Variants in PLCB4 observed in about 807,000 individuals in gnomAD.
PLCB4 encodes the protein 1-phosphatidylinositol 4,5-bisphosphate phosphodiesterase beta-4.
In PLCB4, 77 loss-of-function variants were observed where a neutral mutation model predicts 178.8. The ratio of observed to expected loss-of-function variants is 0.43; its 90% confidence interval spans 0.36 to 0.52. PLCB4 has a LOEUF of 0.52. Ranked by LOEUF, PLCB4 falls within the 20% of genes least tolerant of loss-of-function variation. PLCB4 has a pLI of 0.00. For synonymous variants in PLCB4, 496 were observed against 490.8 expected, an observed-to-expected ratio of 1.01 and a Z score of -0.14; for missense variants, 1,024 against 1,453.4, an observed-to-expected ratio of 0.70 and a Z score of 4.80.
intron 28 of PLCB4, among the ~76,000 whole-genome samples, chr20:9,433,129 G>C (rs1296424235): frequency 6.6e-6 from 1 of 152,214 alleles, no homozygotes; most frequent in Non-Finnish European, 1.5e-5. Context: ...AGAGATAGCA[G>C]CAGTATGAAT....
intron 7 of PLCB4, among the ~76,000 whole-genome samples, chr20:9,355,758 T>C (rs1424585162): frequency 5.3e-5 from 8 of 151,968 alleles, no homozygotes; most frequent in Middle Eastern, 3.4e-3. Flanking sequence ...AATAAACATA[T>C]GTGTGCATGT....
At chr20:9,382,935 C>T (rs1321088075) in intron 13 of PLCB4, among the ~76,000 whole-genome samples, 1 of 152,140 alleles carries the variant, frequency 6.6e-6, no homozygotes, top group Non-Finnish European at 1.5e-5. Flanking sequence ...TTTCTACTTT[C>T]ATTTATAATT....
intron 3 of PLCB4, among the ~76,000 whole-genome samples, chr20:9,228,416 T>C (rs139034421): frequency 3.3e-5 from 5 of 152,148 alleles, no homozygotes; most frequent in African/African-American, 1.2e-4. Context: ...GAGGAGACTA[T>C]GTAGGATTTT....
At chr20:9,080,868 C>T (rs1006299833) in intron 1 of PLCB4, among the ~76,000 whole-genome samples, 1 of 152,206 alleles carries the variant, frequency 6.6e-6, no homozygotes, top group Non-Finnish European at 1.5e-5. Context: ...CAACTTCACT[C>T]CAAACTTGTG....
chr20:9,327,731 A>G (rs1038000331), intron 4 of PLCB4, among the ~76,000 whole-genome samples: 10 of 151,992 alleles, frequency 6.6e-5, no homozygotes, highest in African/African-American at 2.4e-4. Flanking sequence ...AGCTGGGATC[A>G]TGCCCCTGCA....
intron 28 of PLCB4, among the ~76,000 whole-genome samples, chr20:9,427,226 A>G (rs1403438494): frequency 6.6e-6 from 1 of 152,124 alleles, no homozygotes; most frequent in African/African-American, 2.4e-5. Flanking sequence ...CTCTGTCTCC[A>G]AAAACAACAA....
intron 28 of PLCB4, among the ~76,000 whole-genome samples, chr20:9,428,437 G>T (rs1315190436): frequency 6.6e-6 from 1 of 152,140 alleles, no homozygotes; most frequent in Non-Finnish European, 1.5e-5. Context: ...CTTATCTATT[G>T]CATGGCTCCT....
intron 32 of PLCB4, among the ~76,000 whole-genome samples, chr20:9,450,733 A>G (rs1365364893): frequency 6.8e-5 from 9 of 133,316 alleles, no homozygotes; most frequent in South Asian, 2.3e-4. Context: ...ACTGCAACCT[A>G]TGCCTCCCGG....
At chr20:9,292,954 G>T (rs756207005) in intron 3 of PLCB4, among the ~76,000 whole-genome samples, 1 of 152,010 alleles carries the variant, frequency 6.6e-6, no homozygotes, top group Non-Finnish European at 1.5e-5. Flanking sequence ...TGGTACACAC[G>T]TGTAATCCCA....
Position 9,327,828 on chromosome 20 carries a change from G to A in PLCB4, c.85-9298G>A, listed in dbSNP as rs116125710. 5.5e-3 allele frequency among the ~76,000 whole-genome samples: 844 copies of A among 152,160 alleles called. 6 individuals carry two copies. The highest frequency in any genetic ancestry group is 0.018 in the African/African-American group (763 of 41,526). On this transcript the variant is annotated intron_variant, in intron 4 of 39. Coordinates refer to ENST00000378473, the MANE Select transcript of PLCB4 (RefSeq NM_001377142.1). ...TAAAAAATCAATACTAATTTACTTA[G>A]TTCAGACTATGTGTCAAGTGCTCTA...
intron 2 of PLCB4, among the ~76,000 whole-genome samples, chr20:9,159,614 A>G (rs2092850430): frequency 6.6e-6 from 1 of 152,130 alleles, no homozygotes; most frequent in African/African-American, 2.4e-5. Flanking sequence ...ATTTCCCTGT[A>G]TTCTGATTAT....
At chr20:9,414,171 A>G (rs1390291664) in intron 25 of PLCB4, among the ~76,000 whole-genome samples, 2 of 152,258 alleles carry the variant, frequency 1.3e-5, no homozygotes, top group Non-Finnish European at 2.9e-5. Context: ...CTGAAAGCAT[A>G]CACCTCACCA....
At chr20:9,233,911 T>C (rs1439246485) in intron 3 of PLCB4, among the ~76,000 whole-genome samples, 1 of 152,106 alleles carries the variant, frequency 6.6e-6, no homozygotes, top group Admixed American at 6.6e-5. Context: ...TTTTAGAAAA[T>C]CACTGCTGCA....
intron 13 of PLCB4, among the ~76,000 whole-genome samples, chr20:9,381,786 T>C (rs1309498761): frequency 6.6e-6 from 1 of 152,214 alleles, no homozygotes; most frequent in East Asian, 1.9e-4. Context: ...GTTTATAAAG[T>C]GAAAAATATG....
At chr20:9,198,894 T>C (rs970316968) in intron 2 of PLCB4, among the ~76,000 whole-genome samples, 29 of 152,218 alleles carry the variant, frequency 1.9e-4, no homozygotes, top group African/African-American at 6.8e-4. Flanking sequence ...TTGTATTCTC[T>C]TTTTTAAAGG....
chr20:9,427,044 G>A lies in PLCB4; in HGVS notation c.2524+3092G>A, dbSNP rs2041065811. 2.6e-5 allele frequency among the ~76,000 whole-genome samples: 4 copies of A among 152,206 alleles called. No individual in the cohort carries two copies. In the South Asian group the frequency reaches 8.3e-4, roughly 32 times the overall value. ...ATTCAAGACCAGCCTGGCCAACATG[G>A]CAAAACACTGTCTCTACTAAAAATG... On this transcript the variant is annotated intron_variant, in intron 28 of 39. Coordinates refer to ENST00000378473, the MANE Select transcript of PLCB4 (RefSeq NM_001377142.1).
chr20:9,281,685 A>G (rs2094495877), intron 3 of PLCB4, among the ~76,000 whole-genome samples: 1 of 151,948 alleles, frequency 6.6e-6, no homozygotes, highest in South Asian at 2.1e-4. Context: ...TGTGGAGCTG[A>G]ATGATTTTGC....
At chr20:9,448,715 A>C (rs1399471895) in intron 32 of PLCB4, among the ~76,000 whole-genome samples, 1 of 152,062 alleles carries the variant, frequency 6.6e-6, no homozygotes, top group Non-Finnish European at 1.5e-5. Context: ...CAAGGAAGCC[A>C]AAAGATTTGC....
At chr20:9,159,131 CA>C (rs2092840600) in intron 2 of PLCB4, among the ~76,000 whole-genome samples, 2 of 152,194 alleles carry the variant, frequency 1.3e-5, no homozygotes, top group East Asian at 3.9e-4. Flanking sequence ...TCTAGAAGGC[CA>C]GTTTAGGTTG....
Sources: allele counts gnomAD v4.1 joint callset (sites outside exome capture counted in the v4.1 genomes callset), GRCh38; gene constraint gnomAD v4.1.1; transcripts MANE v1.5; gene names NCBI Gene and HGNC (gene_info 2026-07-23, HGNC 2026-07-21).